Variants in HTR1E observed in about 807,000 individuals in gnomAD.
The protein encoded by HTR1E is 5-HT-1E.
A neutral mutation model predicts 3.4 loss-of-function variants in HTR1E; 3 were observed. That is an observed-to-expected ratio of 0.89 (90% CI 0.41 to 2.31). The LOEUF is 2.31. Among genes scored for constraint, HTR1E ranks in the 30% most tolerant of loss-of-function variants. HTR1E has a pLI of 0.05. For missense variants in HTR1E, 392 were observed against 467.0 expected, an observed-to-expected ratio of 0.84 and a Z score of 1.48; for synonymous variants, 170 against 182.8, an observed-to-expected ratio of 0.93 and a Z score of 0.56.
At chr6:86,998,956 T>C (rs1275851305) in intron 1 of HTR1E, among the ~76,000 whole-genome samples, 1 of 152,050 alleles carries the variant, frequency 6.6e-6, no homozygotes, top group Admixed American at 6.6e-5. Context: ...TTTTGTTTTG[T>C]TTTCACTTAT....
At chr6:86,944,550 T>C (rs1487063478) in intron 1 of HTR1E, among the ~76,000 whole-genome samples, 1 of 152,234 alleles carries the variant, frequency 6.6e-6, no homozygotes, top group Non-Finnish European at 1.5e-5. Flanking sequence ...TAGATAGTGA[T>C]ATAAGAACAG....
chr6:87,006,404 T>C (rs1395321795), intron 1 of HTR1E, among the ~76,000 whole-genome samples: 1 of 152,140 alleles, frequency 6.6e-6, no homozygotes, highest in African/African-American at 2.4e-5. Context: ...AGAACAGTGA[T>C]TATTAAAAAG....
In HTR1E at chr6:87,015,868, C is replaced by A. The variant is rs1562076466; in HGVS notation, c.534C>A (p.Asp178Glu). 1 of 1,613,666 alleles carries A rather than the reference C, an allele frequency of 6.2e-7. No homozygotes were observed. The highest frequency in any genetic ancestry group is 8.5e-7 in the Non-Finnish European group (1 of 1,179,748). ...CTAGTCAGTGCACCATCCAGCACGA[C>A]CATGTTATCTACACCATTTACTCCA... ...PPPSQCTIQHDHVIYTIYSTL... is the reference protein window; with the variant it reads ...PPPSQCTIQHEHVIYTIYSTL... The change falls in exon 2 of 2, where the codon GAC becomes GAA. Residue 178 changes from aspartate (D) to glutamate (E), a missense_variant. By Grantham distance (45) the Asp-to-Glu change is conservative (BLOSUM62 2). Transcript: ENST00000305344.
chr6:87,011,176 A>T lies in HTR1E; in HGVS notation c.-185-3974A>T, dbSNP rs375767652. Among the ~76,000 whole-genome samples the T allele has an allele frequency of 3.9e-5, 6 of 152,196 alleles. No homozygotes were observed. In the East Asian group the frequency reaches 1.2e-3, roughly 29 times the overall value. ...CCAGAACATCATGTGGAGCCAGGAA[A>T]TGCTGCTAGGAGAGAGGGTGGCTAA... On this transcript the variant is annotated intron_variant, in intron 1 of 1. Coordinates refer to ENST00000305344, the MANE Select transcript of HTR1E (RefSeq NM_000865.3).
chr6:87,013,886 GA>G (rs1182151009), intron 1 of HTR1E, among the ~76,000 whole-genome samples: 1 of 151,936 alleles, frequency 6.6e-6, no homozygotes, highest in Non-Finnish European at 1.5e-5. Context: ...ACAAACATAT[GA>G]AAAAAAGCTC....
rs569510470 is a variant in HTR1E, at chr6:86,958,122, G to C, written c.-186+20299G>C. Among the ~76,000 whole-genome samples the C allele has an allele frequency of 1.3e-5, 2 of 148,632 alleles. 1 individual carries two copies. Among genetic ancestry groups the C allele is most frequent in the Non-Finnish European group, 3.0e-5 (2 of 67,572 alleles). ...CGCCCAGGCTGGAGTGCAATGGTGC[G>C]ATCTCGGCTCACTGCCAGCTCCGCC... is the stretch of plus-strand genomic sequence containing the variant. On this transcript the variant is annotated intron_variant, in intron 1 of 1. Transcript: ENST00000305344.
At chr6:87,013,618 G>A (rs1768270848) in intron 1 of HTR1E, among the ~76,000 whole-genome samples, 1 of 151,608 alleles carries the variant, frequency 6.6e-6, no homozygotes, top group South Asian at 2.1e-4. Flanking sequence ...TTTCTTTAAC[G>A]GCCCCAGAAT....
chr6:86,967,662 C>T (rs1270069716), intron 1 of HTR1E, among the ~76,000 whole-genome samples: 1 of 152,210 alleles, frequency 6.6e-6, no homozygotes, highest in East Asian at 1.9e-4. Flanking sequence ...TTTTCTACTC[C>T]AACATTTCCA....
chr6:86,984,721 CT>C (rs1767759554), intron 1 of HTR1E, among the ~76,000 whole-genome samples: 1 of 152,186 alleles, frequency 6.6e-6, no homozygotes, highest in Admixed American at 6.5e-5. Context: ...GACTCCTTGC[CT>C]CTTGTGGTCC....
chr6:86,984,878 T>A (rs952834994), intron 1 of HTR1E, among the ~76,000 whole-genome samples: 6 of 152,214 alleles, frequency 3.9e-5, no homozygotes, highest in African/African-American at 1.4e-4. Context: ...AAAATCAAAC[T>A]AAGATGCAAG....
intron 1 of HTR1E, among the ~76,000 whole-genome samples, chr6:86,960,383 CA>C (rs1457438602): frequency 6.6e-6 from 1 of 152,196 alleles, no homozygotes; most frequent in Admixed American, 6.5e-5. Context: ...AACACCTCTC[CA>C]AGGCCCTACC....
At chr6:86,987,995 C>T (rs923397757) in intron 1 of HTR1E, among the ~76,000 whole-genome samples, 1 of 152,130 alleles carries the variant, frequency 6.6e-6, no homozygotes, top group Admixed American at 6.6e-5. Flanking sequence ...TATATGGCTG[C>T]TATATTGAAT....
At chr6:86,940,328 G>A (rs1347798763) in intron 1 of HTR1E, among the ~76,000 whole-genome samples, 1 of 152,114 alleles carries the variant, frequency 6.6e-6, no homozygotes, top group Non-Finnish European at 1.5e-5. Context: ...ATGAGCCCAT[G>A]AGTTCGAGAC....
At chr6:86,998,063 A>G (rs1300135300) in intron 1 of HTR1E, among the ~76,000 whole-genome samples, 1 of 152,056 alleles carries the variant, frequency 6.6e-6, no homozygotes, top group Non-Finnish European at 1.5e-5. Flanking sequence ...GTATGTATAT[A>G]TCTAATGACA....
chr6:86,995,692 A>AAAAAAAAAAAAAC (rs1767931305), intron 1 of HTR1E, among the ~76,000 whole-genome samples: 1 of 145,466 alleles, frequency 6.9e-6, no homozygotes, highest in Non-Finnish European at 1.5e-5. Flanking sequence ...AAAAAAGAAA[A>AAAAAAAAAAAAAC]AAAAAAAAAA....
chr6:86,961,953 CTTAG>C (rs59627086), intron 1 of HTR1E, among the ~76,000 whole-genome samples: 2,113 of 152,296 alleles, frequency 0.014, 36 homozygotes, highest in African/African-American at 0.047. Context: ...TTTCTTAGCA[CTTAG>C]TTAGTTACGT....
intron 1 of HTR1E, among the ~76,000 whole-genome samples, chr6:86,986,075 T>G (rs909976138): frequency 2.6e-5 from 4 of 152,214 alleles, no homozygotes; most frequent in Admixed American, 2.6e-4. Context: ...CTCCACAGAC[T>G]CTTCACCTCA....
At chr6:86,959,499 CT>C (rs973598868) in intron 1 of HTR1E, among the ~76,000 whole-genome samples, 1 of 152,082 alleles carries the variant, frequency 6.6e-6, no homozygotes, top group African/African-American at 2.4e-5. Context: ...ATGAGAAATG[CT>C]TGAACCCAGA....
At chr6:86,951,415 A>G (rs955959502) in intron 1 of HTR1E, among the ~76,000 whole-genome samples, 2 of 152,222 alleles carry the variant, frequency 1.3e-5, no homozygotes, top group Non-Finnish European at 2.9e-5. Context: ...TTTAAATGGC[A>G]TAACTTTCAA....
Sources: allele counts gnomAD v4.1 joint callset (sites outside exome capture counted in the v4.1 genomes callset), GRCh38; gene constraint gnomAD v4.1.1; transcripts MANE v1.5; gene names NCBI Gene and HGNC (gene_info 2026-07-23, HGNC 2026-07-21).